XRCC4: variants seen among roughly 807,000 people sequenced by gnomAD.
XRCC4 encodes X-ray repair cross complementing 4.
In XRCC4, 28 loss-of-function variants were observed where a neutral mutation model predicts 39.1. The ratio of observed to expected loss-of-function variants is 0.72; its 90% CI spans 0.53 to 0.98. The LOEUF is 0.98. Among genes scored for constraint, XRCC4 ranks in the 50% least tolerant of loss-of-function variants. XRCC4 has a pLI of 0.00. For synonymous variants in XRCC4, 123 were observed against 126.4 expected (o/e 0.97, Z 0.18); for missense variants, 350 against 376.4 (o/e 0.93, Z 0.58).
At chr5:83,173,243 G>A (rs1203338322) in intron 3 of XRCC4, among the ~76,000 whole-genome samples, 1 of 152,054 alleles carries the variant, frequency 6.6e-6, no homozygotes, top group Non-Finnish European at 1.5e-5. Context: ...CTTGATGTTG[G>A]GAGTCTGATT....
intron 3 of XRCC4, among the ~76,000 whole-genome samples, chr5:83,138,228 A>G (rs552965231): frequency 1.3e-5 from 2 of 152,146 alleles, no homozygotes; most frequent in Admixed American, 1.3e-4. Flanking sequence ...AGCACACATT[A>G]TATGTACCTA....
At chr5:83,354,553 T>C (rs538073336), downstream of XRCC4, among the ~76,000 whole-genome samples, 33 of 152,360 alleles carry the variant, frequency 2.2e-4, no homozygotes, top group East Asian at 6.0e-3. Context: ...TTCTTAAAAA[T>C]TGTTTGTATT....
chr5:83,262,853 T>TA (rs200767210), intron 7 of XRCC4, among the ~76,000 whole-genome samples: 7,071 of 147,864 alleles, frequency 0.048, 518 homozygotes, highest in African/African-American at 0.17. Context: ...TTTTTTTTTT[T>TA]TTTTTATACT....
At chr5:83,223,956 T>C (rs112940281) in intron 6 of XRCC4, among the ~76,000 whole-genome samples, 4 of 151,682 alleles carry the variant, frequency 2.6e-5, no homozygotes, top group African/African-American at 9.7e-5. Context: ...AACTCATCCT[T>C]TTTTATGGCT....
chr5:83,287,669 G>A (rs1754782429), intron 7 of XRCC4, among the ~76,000 whole-genome samples: 1 of 151,690 alleles, frequency 6.6e-6, no homozygotes, highest in Non-Finnish European at 1.5e-5. Flanking sequence ...CCGAAAATGT[G>A]TAATTTTTTT....
chr5:83,338,644 G>T (rs981351785), intron 7 of XRCC4, among the ~76,000 whole-genome samples: 1 of 152,136 alleles, frequency 6.6e-6, no homozygotes, highest in African/African-American at 2.4e-5. Context: ...AAAGAAATGA[G>T]ACATTGTATC....
rs1484065507 is a variant in XRCC4, at chr5:83,299,483, C to T, written c.893+40806C>T. 2.0e-5 allele frequency among the ~76,000 whole-genome samples: 3 copies of T among 152,030 alleles called. No homozygotes were observed. The East Asian group carries it at 5.8e-4, about 29-fold the overall frequency. The stretch of plus-strand genomic sequence containing the variant: ...CTCAGCCATTTTTTGTTAAATAGCC[C>T]TTCTGCCTCATTCTCTCTGTCCCTT... On this transcript the variant is annotated intron_variant, in intron 7 of 7. Coordinates refer to ENST00000396027, the MANE Select transcript of XRCC4 (RefSeq NM_003401.5).
At chr5:83,189,335 A>G (rs918783920) in intron 3 of XRCC4, among the ~76,000 whole-genome samples, 3 of 152,092 alleles carry the variant, frequency 2.0e-5, no homozygotes, top group Admixed American at 6.5e-5. Context: ...GACTTTTGCA[A>G]TTATTAAGAC....
chr5:83,189,278 G>T (rs1750588652), intron 3 of XRCC4, among the ~76,000 whole-genome samples: 1 of 151,934 alleles, frequency 6.6e-6, no homozygotes, highest in Admixed American at 6.6e-5. Flanking sequence ...CTTTTGTGGA[G>T]TTTTTTTCTT....
At chr5:83,217,083 G>A (rs1248672742) in intron 6 of XRCC4, among the ~76,000 whole-genome samples, 1 of 151,924 alleles carries the variant, frequency 6.6e-6, no homozygotes, top group African/African-American at 2.4e-5. Flanking sequence ...GTGAGGTCGG[G>A]TAGCTCACAC....
intron 7 of XRCC4, among the ~76,000 whole-genome samples, chr5:83,293,431 T>G (rs1754991256): frequency 6.6e-6 from 1 of 151,978 alleles, no homozygotes; most frequent in Non-Finnish European, 1.5e-5. Context: ...TTTTTCCTCT[T>G]TTCTTTTTCT....
intron 3 of XRCC4, among the ~76,000 whole-genome samples, chr5:83,185,579 A>G (rs939536665): frequency 5.3e-5 from 8 of 151,898 alleles, no homozygotes; most frequent in Non-Finnish European, 1.2e-4. Flanking sequence ...GTAAAACTAG[A>G]TGATGAATGT....
At chr5:83,275,597 G>A (rs1296151441) in intron 7 of XRCC4, among the ~76,000 whole-genome samples, 1 of 152,140 alleles carries the variant, frequency 6.6e-6, no homozygotes. Flanking sequence ...GCCCGGCCCA[G>A]GTTAGGTTTT....
At chr5:83,324,595 G>C (rs1264784373) in intron 7 of XRCC4, among the ~76,000 whole-genome samples, 1 of 152,002 alleles carries the variant, frequency 6.6e-6, no homozygotes, top group Non-Finnish European at 1.5e-5. Context: ...TGCCATTTCT[G>C]TAGCTTTTTA....
At position 83,118,211 on chromosome 5, in the gene XRCC4, G is replaced by A. The variant is rs1746834568; in HGVS notation, c.315+7008G>A. On this transcript the variant is annotated intron_variant, in intron 3 of 7. Transcript: ENST00000396027. ...ATAGCATAGAGGTTTATTTTTCAGT[G>A]ATATAAAAATCCAAATAGGCAAACC... Among the ~76,000 whole-genome samples the A allele has an allele frequency of 2.0e-5, 3 of 151,636 alleles. No homozygotes were observed. In the South Asian group the frequency reaches 6.2e-4, roughly 32 times the overall value.
chr5:83,115,291 G>T (rs1746656344), intron 3 of XRCC4, among the ~76,000 whole-genome samples: 1 of 152,172 alleles, frequency 6.6e-6, no homozygotes, highest in African/African-American at 2.4e-5. Flanking sequence ...GCTGTGCATG[G>T]TGGCGCATAC....
chr5:83,287,817 C>A (rs191936540), intron 7 of XRCC4, among the ~76,000 whole-genome samples: 2 of 151,438 alleles, frequency 1.3e-5, no homozygotes, highest in African/African-American at 2.4e-5. Context: ...TATTTATTTT[C>A]TTCTGCTTGC....
intron 1 of XRCC4, among the ~76,000 whole-genome samples, chr5:83,082,041 A>G (rs1401202001): frequency 1.3e-5 from 2 of 151,948 alleles, no homozygotes; most frequent in African/African-American, 2.4e-5. Flanking sequence ...GGCTTTTTCT[A>G]TGAAATATAT....
chr5:83,092,440 A>G (rs1745471279), intron 1 of XRCC4, among the ~76,000 whole-genome samples: 1 of 152,140 alleles, frequency 6.6e-6, no homozygotes, highest in Non-Finnish European at 1.5e-5. Context: ...AATAACAAAA[A>G]AGTTATGAAA....
Sources: gnomAD v4.1 joint callset for allele counts (sites outside exome capture counted in the v4.1 genomes callset) on GRCh38, gnomAD v4.1.1 for gene constraint, MANE v1.5 for transcripts, NCBI Gene and HGNC (gene_info 2026-07-23, HGNC 2026-07-21) for gene names.